GLS: variants seen among roughly 807,000 people sequenced by gnomAD.
The protein encoded by GLS is glutaminase.
Under a neutral mutation model 86.7 loss-of-function variants are expected in GLS, and 36 were observed. The observed-to-expected ratio is 0.42, with a 90% confidence interval of 0.32 to 0.55. The LOEUF (loss-of-function observed/expected upper bound fraction) is 0.55, where lower values mean the gene tolerates loss of function less well. Among genes scored for constraint, GLS ranks in the 20% least tolerant of loss-of-function variants. GLS has a pLI of 0.17. For missense variants in GLS, 528 were observed against 833.4 expected, an observed-to-expected ratio of 0.63 and a Z score of 4.51; for synonymous variants, 317 against 305.9, an observed-to-expected ratio of 1.04 and a Z score of -0.38.
intron 1 of GLS, among the ~76,000 whole-genome samples, chr2:190,890,565 A>T (rs536964260): frequency 4.2e-4 from 64 of 152,310 alleles, no homozygotes; most frequent in African/African-American, 1.4e-3. Flanking sequence ...ATTCATTCTC[A>T]TATGCTATTT....
chr2:190,930,717 A>G lies in GLS; in HGVS notation c.1557+149A>G. 1 of 606,238 alleles carries G rather than the reference A, an allele frequency of 1.6e-6. No homozygotes were observed. Among genetic ancestry groups the G allele is most frequent in the South Asian group, 2.5e-5 (1 of 40,122 alleles). The allele number at this position is 606,238 out of a possible 1,614,324, so 37.6% of individuals were successfully genotyped here. ...TAGGGAGCCGTGGAAATACTCCCAG[A>G]GGAGCTTCAAGTTGTCTCTGTCAGA... On this transcript the variant is annotated intron_variant, in intron 13 of 17. Coordinates refer to ENST00000320717, the MANE Select transcript of GLS (RefSeq NM_014905.5). The surrounding 1 kb of genome is among the most constrained non-coding windows in gnomAD (Gnocchi z 5.0).
chr2:190,890,233 G>A (rs1009370008), intron 1 of GLS, among the ~76,000 whole-genome samples: 1 of 151,838 alleles, frequency 6.6e-6, no homozygotes, highest in Non-Finnish European at 1.5e-5. Flanking sequence ...ACCCAGGCTG[G>A]AGTACATTGG....
rs1690337244 is a variant in GLS, at chr2:190,938,450, A to G, written c.1650+6813A>G. 6.6e-6 allele frequency among the ~76,000 whole-genome samples: 1 copy of G among 151,640 alleles called. No homozygotes were observed. Among genetic ancestry groups the G allele is most frequent in the East Asian group, 1.9e-4 (1 of 5,202 alleles). ...AGCCGAAGGCTTTCTTTTGTTTTTA[A>G]AACATAGTCCAACCTTTCTAGAATT... On this transcript the variant is annotated intron_variant, in intron 14 of 17. Transcript: ENST00000320717. The surrounding 1 kb of genome is among the most constrained non-coding windows in gnomAD (Gnocchi z 4.1).
chr2:190,945,701 C>T (rs1690562192), intron 14 of GLS, among the ~76,000 whole-genome samples: 1 of 151,600 alleles, frequency 6.6e-6, no homozygotes, highest in Non-Finnish European at 1.5e-5. Flanking sequence ...AAATTGTATG[C>T]TTTTAAGGGA....
At chr2:190,950,829 A>G (rs1012452589) in intron 14 of GLS, among the ~76,000 whole-genome samples, 2 of 152,242 alleles carry the variant, frequency 1.3e-5, no homozygotes, top group Non-Finnish European at 2.9e-5. Flanking sequence ...AGACTAGAAG[A>G]GGAGCTGACT....
intron 7 of GLS, among the ~76,000 whole-genome samples, chr2:190,912,495 T>C (rs529749619): frequency 6.6e-6 from 1 of 152,128 alleles, no homozygotes; most frequent in East Asian, 1.9e-4. Context: ...ATATCTATAA[T>C]GTGATCTCTG....
rs767122068 is a variant in GLS at position 190,895,275 on chromosome 2, A to T, written c.483+27A>T. ...TAAGTTTTTATATTTTTCTATCTTA[A>T]CTTAAAAAAATCAATAATAATAAAT... On this transcript the variant is annotated intron_variant, in intron 2 of 17. Coordinates refer to ENST00000320717, the MANE Select transcript of GLS (RefSeq NM_014905.5). The surrounding 1 kb of genome is among the most constrained non-coding windows in gnomAD (Gnocchi z 4.2). 2 of 904,546 alleles carry T rather than the reference A, an allele frequency of 2.2e-6. No individual in the cohort carries two copies. Among genetic ancestry groups the T allele is most frequent in the Admixed American group, 3.7e-5 (2 of 54,340 alleles). The allele number at this position is 904,546 out of a possible 1,614,324, so 56.0% of individuals were successfully genotyped here.
In GLS at chr2:190,924,916, A is replaced by G. The variant is rs895457284; in HGVS notation, c.1248+323A>G. ...GCGACACAGTGAGACTCCGTCTCAA[A>G]ATAAATAAATGGATGTGTCACATTA... is the stretch of plus-strand genomic sequence containing the variant. On this transcript the variant is annotated intron_variant, in intron 11 of 17. Transcript: ENST00000320717. This position sits in a 1 kb window ranked among gnomAD's most constrained non-coding sequence, Gnocchi z 5.2. The G allele has an allele frequency of 4.6e-6, 1 of 218,218 alleles. No homozygotes were observed. The highest frequency in any genetic ancestry group is 9.1e-6 in the Non-Finnish European group (1 of 109,446). 13.5% of individuals were successfully genotyped at this position (218,218 alleles called of 1,614,324 possible).
Position 190,943,482 on chromosome 2 carries a change from T to C in GLS, c.1651-10083T>C, listed in dbSNP as rs576886623. Among the ~76,000 whole-genome samples the C allele has an allele frequency of 5.8e-4, 88 of 152,210 alleles. 1 individual carries two copies. Among genetic ancestry groups the C allele is most frequent in the Admixed American group, 8.5e-4 (13 of 15,292 alleles). On this transcript the variant is annotated intron_variant, in intron 14 of 17. Coordinates refer to ENST00000320717, the MANE Select transcript of GLS (RefSeq NM_014905.5). The surrounding 1 kb of genome is among the most constrained non-coding windows in gnomAD (Gnocchi z 4.5). Reference sequence around the variant, plus strand: ...CCAGAGAAGAGAAAATCCAGCATAGTGCAATATCAGCAGTCAAGGAAAGAG... The same window carrying C: ...CCAGAGAAGAGAAAATCCAGCATAGCGCAATATCAGCAGTCAAGGAAAGAG...
rs1404215230 is a variant in GLS, at chr2:190,938,106, C to T, written c.1650+6469C>T. ...CACATCTCAATGGCAAAGAATAATTCATTGTATTTATTTTTAAGCCATATT... is the reference window on the plus strand; with the variant it reads ...CACATCTCAATGGCAAAGAATAATTTATTGTATTTATTTTTAAGCCATATT... On this transcript the variant is annotated intron_variant, in intron 14 of 17. Coordinates refer to ENST00000320717, the MANE Select transcript of GLS (RefSeq NM_014905.5). The surrounding 1 kb of genome is among the most constrained non-coding windows in gnomAD (Gnocchi z 4.1). Among the ~76,000 whole-genome samples the T allele has an allele frequency of 6.6e-6, 1 of 151,048 alleles. No individual in the cohort carries two copies. The highest frequency in any genetic ancestry group is 6.6e-5 in the Admixed American group (1 of 15,160).
At chr2:190,906,496 T>C (rs1170078847) in intron 6 of GLS, among the ~76,000 whole-genome samples, 7 of 152,344 alleles carry the variant, frequency 4.6e-5, no homozygotes, top group Non-Finnish European at 8.8e-5. Context: ...GATACTGTAT[T>C]CTATATAAGA....
Position 190,919,435 on chromosome 2 carries a change from A to G in GLS, c.1039-1589A>G, listed in dbSNP as rs1337051878. Among the ~76,000 whole-genome samples, 9 of 152,266 alleles carry G rather than the reference A, an allele frequency of 5.9e-5. No individual in the cohort carries two copies. The East Asian group carries it at 1.3e-3, about 23-fold the overall frequency. On this transcript the variant is annotated intron_variant, in intron 7 of 17. Coordinates refer to ENST00000320717, the MANE Select transcript of GLS (RefSeq NM_014905.5). ...AATGAAGAAAACTTGTAAGAGTTTT[A>G]TAGGGTACAGTTTAGGTCACAGAAT...
Position 190,920,961 on chromosome 2 carries a change from G to T in GLS, c.1039-63G>T. 1.2e-6 allele frequency: 1 copy of T among 840,288 alleles called. No individual in the cohort carries two copies. Among genetic ancestry groups the T allele is most frequent in the Non-Finnish European group, 2.0e-6 (1 of 494,494 alleles). 52.1% of individuals were successfully genotyped at this position (840,288 alleles called of 1,614,324 possible). On this transcript the variant is annotated intron_variant, in intron 7 of 17. Coordinates refer to ENST00000320717, the MANE Select transcript of GLS (RefSeq NM_014905.5). This position sits in a 1 kb window ranked among gnomAD's most constrained non-coding sequence, Gnocchi z 4.2. The stretch of plus-strand genomic sequence containing the variant: ...ATAGTAGCTTTGAAATTTTGATATT[G>T]GCTTGAAACTTAACTGTAGTGGTAC...
intron 3 of GLS, 26 bp from the exon 4 acceptor site, chr2:190,900,535 TTTA>T (rs773946278): frequency 5.0e-6 from 7 of 1,408,216 alleles, no homozygotes; most frequent in Admixed American, 1.9e-5. Context: ...ATGTACCCAG[TTTA>T]TTAATTATCT....
intron 17 of GLS, among the ~76,000 whole-genome samples, chr2:190,961,689 G>GGTT (rs1553489843): frequency 7.4e-6 from 1 of 135,888 alleles, no homozygotes; most frequent in Non-Finnish European, 1.6e-5. Flanking sequence ...TAATTCAGCT[G>GGTT]TTTTTTTTTT....
At position 190,935,773 on chromosome 2, in the gene GLS, C is replaced by T. The variant is rs1471599043; in HGVS notation, c.1650+4136C>T. 6.6e-6 allele frequency among the ~76,000 whole-genome samples: 1 copy of T among 151,134 alleles called. No homozygotes were observed. Among genetic ancestry groups the T allele is most frequent in the Non-Finnish European group, 1.5e-5 (1 of 67,292 alleles). On this transcript the variant is annotated intron_variant, in intron 14 of 17. Coordinates refer to ENST00000320717, the MANE Select transcript of GLS (RefSeq NM_014905.5). This position sits in a 1 kb window ranked among gnomAD's most constrained non-coding sequence, Gnocchi z 4.2. Reference sequence around the variant, plus strand: ...TGCTTTAGAATAAAACTGTTAATCTCAGTAGAATTTATATTAAACAGAATG... The same window carrying T: ...TGCTTTAGAATAAAACTGTTAATCTTAGTAGAATTTATATTAAACAGAATG...
At chr2:190,961,085 A>C (rs1291002755) in intron 17 of GLS, among the ~76,000 whole-genome samples, 1 of 152,228 alleles carries the variant, frequency 6.6e-6, no homozygotes, top group Non-Finnish European at 1.5e-5. Context: ...AAGTAGATGT[A>C]CCCACCTGAT....
intron 1 of GLS, among the ~76,000 whole-genome samples, chr2:190,889,353 C>T (rs1298936279): frequency 6.6e-6 from 1 of 152,096 alleles, no homozygotes; most frequent in Non-Finnish European, 1.5e-5. Context: ...TTACATACTC[C>T]CTATAGGTTG....
chr2:190,910,745 A>G (rs532110915), intron 7 of GLS, among the ~76,000 whole-genome samples: 155 of 151,906 alleles, frequency 1.0e-3, no homozygotes, highest in Admixed American at 4.2e-3. Flanking sequence ...ATGTTCTGGT[A>G]CTTAAGACAA....
Sources: gnomAD v4.1 joint callset for allele counts (sites outside exome capture counted in the v4.1 genomes callset) on GRCh38, gnomAD v4.1.1 for gene constraint, Gnocchi (gnomAD v3.1) non-coding constraint, MANE v1.5 for transcripts, NCBI Gene and HGNC (gene_info 2026-07-23, HGNC 2026-07-21) for gene names.